The following MEG3 variants were observed in gnomAD, a reference collection of about 807,000 sequenced individuals.
The protein encoded by MEG3 is maternally expressed 3, also known as Very putative protein from MEG3 locus.
intron 2 of MEG3, among the ~76,000 whole-genome samples, chr14:100,839,588 G>A (rs2037690741): frequency 6.6e-6 from 1 of 152,218 alleles, no homozygotes; most frequent in South Asian, 2.1e-4. Flanking sequence ...AGGTTCTTGG[G>A]GGAGTCTAAG....
upstream of MEG3, chr14:100,854,281 C>A (rs1365188587): frequency 2.0e-5 from 3 of 152,190 alleles, no homozygotes; most frequent in Non-Finnish European, 2.9e-5. Context: ...TGTTTGTTAA[C>A]AAATTGTATT....
At chr14:100,827,201 C>G (rs937485632) in intron 1 of MEG3, among the ~76,000 whole-genome samples, 1 of 152,092 alleles carries the variant, frequency 6.6e-6, no homozygotes, top group Non-Finnish European at 1.5e-5. Context: ...AGAGTCAAGC[C>G]CCCCCAGGCC....
chr14:100,845,031 G>A lies in MEG3; in HGVS notation n.3046-427G>A, dbSNP rs148507308. Among the ~76,000 whole-genome samples the A allele has an allele frequency of 3.9e-4, 60 of 152,174 alleles. 2 individuals carry two copies. The East Asian group carries it at 9.5e-3, about 24-fold the overall frequency. ...GCAGCCCTCTGTGGGCTGCCCTCCC[G>A]GCCACACCCCGCTTCCCTGGTCTCC... is the stretch of plus-strand genomic sequence containing the variant. On this transcript the variant is annotated intron_variant and non_coding_transcript_variant, in intron 2 of 3. Coordinates refer to the MEG3 transcript ENST00000398461. This position sits in a 1 kb window ranked among gnomAD's most constrained non-coding sequence, Gnocchi z 5.2.
intron 2 of MEG3, among the ~76,000 whole-genome samples, chr14:100,839,718 C>T (rs2037694950): frequency 6.6e-6 from 1 of 152,154 alleles, no homozygotes; most frequent in South Asian, 2.1e-4. Flanking sequence ...AGACCCTCCC[C>T]TCCCACCTCC....
rs1248331162 is a variant in MEG3, at chr14:100,837,556, G to T, written n.3045+1256G>T. Among the ~76,000 whole-genome samples, 1 of 152,064 alleles carries T rather than the reference G, an allele frequency of 6.6e-6. No individual in the cohort carries two copies. The highest frequency in any genetic ancestry group is 1.5e-5 in the Non-Finnish European group (1 of 68,006). ...ACTCCCCTCTGGACGCCCACGAATG[G>T]GGTCTCTGAGAAGGAAGTGGATGAA... On this transcript the variant is annotated intron_variant and non_coding_transcript_variant, in intron 2 of 3. Coordinates refer to the MEG3 transcript ENST00000398461. The surrounding 1 kb of genome is among the most constrained non-coding windows in gnomAD (Gnocchi z 5.8).
At chr14:100,852,063 G>A (rs548283619) in intron 3 of MEG3, 1 of 304,642 alleles carries the variant, frequency 3.3e-6, no homozygotes, top group South Asian at 2.6e-5. Flanking sequence ...CTCAGGACTT[G>A]TGGCAGGGAG....
upstream of MEG3, chr14:100,855,676 G>C: frequency 6.6e-6 from 1 of 152,186 alleles, no homozygotes; most frequent in East Asian, 1.9e-4. Flanking sequence ...ACAGCCAACA[G>C]ACGTTTTTAA....
chr14:100,855,556 G>A (rs2038214261), upstream of MEG3: 1 of 152,212 alleles, frequency 6.6e-6, no homozygotes, highest in African/African-American at 2.4e-5. Context: ...CACCTTGCCT[G>A]GCGCATGGTC....
At chr14:100,854,023 G>C (rs150460731), upstream of MEG3, 156 of 152,354 alleles carry the variant, frequency 1.0e-3, no homozygotes, top group Middle Eastern at 0.014. Context: ...GAGGGTGGAA[G>C]GATAGGCGGA....
At chr14:100,848,835 T>A (rs1052773862) in intron 3 of MEG3, 1 of 151,674 alleles carries the variant, frequency 6.6e-6, no homozygotes, top group Non-Finnish European at 1.5e-5. Flanking sequence ...GAGGGAGAGA[T>A]GTAAGAAAAG....
At chr14:100,846,486 C>G (rs1452064134) in intron 3 of MEG3, 1 of 152,146 alleles carries the variant, frequency 6.6e-6, no homozygotes, top group Non-Finnish European at 1.5e-5. Flanking sequence ...CTGTGTGTAC[C>G]TTGGTTGGTG....
chr14:100,842,796 C>G, intron 2 of MEG3, among the ~76,000 whole-genome samples: 1 of 152,190 alleles, frequency 6.6e-6, no homozygotes, highest in Non-Finnish European at 1.5e-5. Context: ...GTTTTCTAAT[C>G]CCATTAAGCT....
intron 2 of MEG3, among the ~76,000 whole-genome samples, chr14:100,838,269 C>T (rs1253463416): frequency 6.6e-6 from 1 of 152,314 alleles, no homozygotes; most frequent in East Asian, 1.9e-4. Context: ...CAAGCTTTGG[C>T]AGCCCCTGGC....
In MEG3 at chr14:100,837,170, G is replaced by A. The variant is rs1458099513; in HGVS notation, n.3045+870G>A. Among the ~76,000 whole-genome samples, 1 of 152,160 alleles carries A rather than the reference G, an allele frequency of 6.6e-6. No homozygotes were observed. The highest frequency in any genetic ancestry group is 1.5e-5 in the Non-Finnish European group (1 of 68,040). ...CAGGCGAGGTGTCGTCGAGGGCGGGGGCTCAGGGTGGCATGCTGGACGGCC... is the reference window on the plus strand; with the variant it reads ...CAGGCGAGGTGTCGTCGAGGGCGGGAGCTCAGGGTGGCATGCTGGACGGCC... On this transcript the variant is annotated intron_variant and non_coding_transcript_variant, in intron 2 of 3. Transcript: ENST00000398461. This position sits in a 1 kb window ranked among gnomAD's most constrained non-coding sequence, Gnocchi z 5.8.
intron 3 of MEG3, chr14:100,846,952 G>A (rs1350482316): frequency 6.6e-6 from 1 of 151,952 alleles, no homozygotes; most frequent in Non-Finnish European, 1.5e-5. Context: ...ATGAAAAGAT[G>A]CAAGTTAGGG....
chr14:100,840,536 T>TC (rs1440606745), intron 2 of MEG3, among the ~76,000 whole-genome samples: 2 of 152,076 alleles, frequency 1.3e-5, no homozygotes, highest in African/African-American at 2.4e-5. Flanking sequence ...TCAATTACCT[T>TC]CCCCTGAAAC....
intron 1 of MEG3, chr14:100,860,677 T>C: frequency 2.2e-6 from 1 of 456,668 alleles, no homozygotes; most frequent in South Asian, 1.5e-5. Context: ...CATCTGCAAC[T>C]GTGTCTCTCT....
At chr14:100,829,340 C>T (rs1595254973), downstream of MEG3, 1 of 152,242 alleles carries the variant, frequency 6.6e-6, no homozygotes, top group Non-Finnish European at 1.5e-5. Context: ...ACTCTGTCAT[C>T]ACCCTTATGA....
exon 1 of MEG3, chr14:100,834,239 T>C (rs1335752185): frequency 6.3e-6 from 1 of 159,772 alleles, no homozygotes; most frequent in African/African-American, 2.4e-5. Flanking sequence ...TCAATAGTAA[T>C]GAAGAATCCA....
Sources: allele counts gnomAD v4.1 joint callset (sites outside exome capture counted in the v4.1 genomes callset), GRCh38; gene constraint gnomAD v4.1.1; non-coding constraint Gnocchi (gnomAD v3.1); transcripts MANE v1.5; gene names NCBI Gene and HGNC (gene_info 2026-07-23, HGNC 2026-07-21).